The following VPS26C variants were observed in gnomAD, a reference collection of about 807,000 sequenced individuals.
The protein encoded by VPS26C is vacuolar protein sorting-associated protein 26C.
In VPS26C, 19 loss-of-function variants were observed where a neutral mutation model predicts 30.6. The observed-to-expected ratio is 0.62, with a 90% CI of 0.43 to 0.91. The LOEUF (loss-of-function observed/expected upper bound fraction) is 0.91, where lower values mean the gene tolerates loss of function less well. Among genes scored for constraint, VPS26C ranks in the 40% least tolerant of loss-of-function variants. The pLI, the probability that VPS26C is intolerant of heterozygous loss-of-function variation, is 0.00. For missense variants in VPS26C, 318 were observed against 385.1 expected (o/e 0.83, Z 1.46); for synonymous variants, 132 against 151.5 (o/e 0.87, Z 0.95).
In VPS26C at chr21:37,228,158, A is replaced by T. The variant is rs2085922374; in HGVS notation, c.658+65T>A. ...CCAGCCCCCCAGCATCCTCTTAACC[A>T]TGGAACGTGAGGGTGGCAGTCGAGG... On this transcript the variant is annotated intron_variant, in intron 6 of 7. Coordinates refer to ENST00000309117, the MANE Select transcript of VPS26C (RefSeq NM_006052.2). The T allele has an allele frequency of 1.3e-6, 2 of 1,572,794 alleles. No homozygotes were observed. The highest frequency in any genetic ancestry group is 1.7e-6 in the Non-Finnish European group (2 of 1,164,070).
At chr21:37,243,562 C>A (rs1044420432) in intron 1 of VPS26C, among the ~76,000 whole-genome samples, 1 of 152,172 alleles carries the variant, frequency 6.6e-6, no homozygotes, top group East Asian at 1.9e-4. Flanking sequence ...AAGGAAAGAG[C>A]TTTCATTGGA....
chr21:37,261,773 T>C (rs1396627663), intron 1 of VPS26C: 2 of 152,076 alleles, frequency 1.3e-5, no homozygotes, highest in East Asian at 1.9e-4. Flanking sequence ...CGGGGTCCTC[T>C]GACATTCCCA....
At position 37,257,868 on chromosome 21, in the gene VPS26C, C is replaced by G. The variant is rs1448708486; in HGVS notation, c.57+9370G>C. Among the ~76,000 whole-genome samples, 1 of 152,208 alleles carries G rather than the reference C, an allele frequency of 6.6e-6. No homozygotes were observed. Among genetic ancestry groups the G allele is most frequent in the Non-Finnish European group, 1.5e-5 (1 of 68,032 alleles). On this transcript the variant is annotated intron_variant, in intron 1 of 7. Transcript: ENST00000309117. The surrounding 1 kb of genome is among the most constrained non-coding windows in gnomAD (Gnocchi z 4.2). ...CCAGACAGAACGATGGGCTCTGCTGCCTCCGGGTGGGGCACCAAGCGGGGA... is the reference window on the plus strand; with the variant it reads ...CCAGACAGAACGATGGGCTCTGCTGGCTCCGGGTGGGGCACCAAGCGGGGA...
intron 1 of VPS26C, among the ~76,000 whole-genome samples, chr21:37,255,149 A>AT (rs778601406): frequency 6.6e-6 from 1 of 152,052 alleles, no homozygotes; most frequent in African/African-American, 2.4e-5. Context: ...TCATGACTGT[A>AT]TTTTTTTTAG....
intron 1 of VPS26C, among the ~76,000 whole-genome samples, chr21:37,266,329 C>T (rs753545894): frequency 6.6e-6 from 1 of 152,160 alleles, no homozygotes; most frequent in African/African-American, 2.4e-5. Flanking sequence ...CCATCCAAGA[C>T]CTTTGTCTGA....
chr21:37,260,974 C>T (rs1390869457), intron 1 of VPS26C: 1 of 152,188 alleles, frequency 6.6e-6, no homozygotes, highest in Non-Finnish European at 1.5e-5. Flanking sequence ...ATAAAATTAT[C>T]AGTCTTCTGC....
intron 1 of VPS26C, among the ~76,000 whole-genome samples, chr21:37,258,689 G>C (rs1239205265): frequency 2.0e-5 from 3 of 152,194 alleles, no homozygotes; most frequent in Admixed American, 1.3e-4. Context: ...TCGGCATTAG[G>C]AGGAGGCAGA....
intron 1 of VPS26C, among the ~76,000 whole-genome samples, chr21:37,263,436 T>C (rs2086325507): frequency 6.6e-6 from 1 of 152,254 alleles, no homozygotes; most frequent in African/African-American, 2.4e-5. Flanking sequence ...TCAATGGACA[T>C]GCTTTGAACT....
intron 1 of VPS26C, among the ~76,000 whole-genome samples, chr21:37,244,556 C>T (rs920177776): frequency 2.0e-5 from 3 of 152,190 alleles, no homozygotes; most frequent in Admixed American, 2.0e-4. Flanking sequence ...ATGTAAAAGG[C>T]CACTACCAAA....
rs2086079224 is a variant in VPS26C at position 37,240,788 on chromosome 21, C to T, written c.58-149G>A. 8.8e-6 allele frequency: 10 copies of T among 1,135,262 alleles called. No individual in the cohort carries two copies. The South Asian group carries it at 1.6e-4, about 19-fold the overall frequency. The allele number at this position is 1,135,262 out of a possible 1,614,324, so 70.3% of individuals were successfully genotyped here. ...CCTGGATACCAGGGTGGAGAAGGCCCAGGTCCTGGTAGGGGACAGATGCCC... is the reference window on the plus strand; with the variant it reads ...CCTGGATACCAGGGTGGAGAAGGCCTAGGTCCTGGTAGGGGACAGATGCCC... On this transcript the variant is annotated intron_variant, in intron 1 of 7. Coordinates refer to ENST00000309117, the MANE Select transcript of VPS26C (RefSeq NM_006052.2).
At chr21:37,252,559 A>C (rs1214732009) in intron 1 of VPS26C, among the ~76,000 whole-genome samples, 2 of 152,202 alleles carry the variant, frequency 1.3e-5, no homozygotes, top group African/African-American at 4.8e-5. Flanking sequence ...CAAACAAACT[A>C]AGACAATGCC....
intron 3 of VPS26C, among the ~76,000 whole-genome samples, chr21:37,235,877 A>ATT (rs1352661229): frequency 3.3e-3 from 120 of 35,928 alleles, no homozygotes; most frequent in African/African-American, 8.4e-3. Context: ...ATATATATAT[A>ATT]TATTTTTTTT....
chr21:37,249,844 C>T (rs1051163387), intron 1 of VPS26C, among the ~76,000 whole-genome samples: 1 of 152,166 alleles, frequency 6.6e-6, no homozygotes, highest in African/African-American at 2.4e-5. Flanking sequence ...AAGTGTCATA[C>T]AGCACACATG....
chr21:37,252,884 T>C (rs1460161091), intron 1 of VPS26C, among the ~76,000 whole-genome samples: 2 of 152,044 alleles, frequency 1.3e-5, no homozygotes, highest in South Asian at 2.1e-4. Flanking sequence ...AAAAGCAAAC[T>C]ATAGGGACTG....
At chr21:37,241,445 G>A (rs2086086351) in intron 1 of VPS26C, among the ~76,000 whole-genome samples, 1 of 152,186 alleles carries the variant, frequency 6.6e-6, no homozygotes, top group African/African-American at 2.4e-5. Flanking sequence ...TGTTACAGGG[G>A]CTCGAGTGGA....
chr21:37,260,567 G>A (rs1030364980), intron 1 of VPS26C, among the ~76,000 whole-genome samples: 1 of 152,180 alleles, frequency 6.6e-6, no homozygotes, highest in Non-Finnish European at 1.5e-5. Flanking sequence ...GTGGAAGGAT[G>A]CTTAGGGAGA....
At chr21:37,240,085 T>C (rs79887567) in intron 2 of VPS26C, among the ~76,000 whole-genome samples, 2,654 of 152,228 alleles carry the variant, frequency 0.017, 41 homozygotes, top group Middle Eastern at 0.054. Context: ...TAACAACAGA[T>C]AACAATAAAG....
intron 1 of VPS26C, among the ~76,000 whole-genome samples, chr21:37,242,732 G>T (rs1357526947): frequency 6.6e-6 from 1 of 152,184 alleles, no homozygotes; most frequent in Non-Finnish European, 1.5e-5. Context: ...CCGTTCCTAT[G>T]CAGTCATAAC....
intron 6 of VPS26C, 24 bp from the exon 7 acceptor site, chr21:37,227,830 G>A (rs776971386): frequency 3.4e-5 from 53 of 1,579,110 alleles, no homozygotes; most frequent in Non-Finnish European, 4.4e-5. Context: ...GCCACATCAC[G>A]CGGTCAGGGC....
Sources: allele counts gnomAD v4.1 joint callset (sites outside exome capture counted in the v4.1 genomes callset), GRCh38; gene constraint gnomAD v4.1.1; non-coding constraint Gnocchi (gnomAD v3.1); transcripts MANE v1.5; gene names NCBI Gene and HGNC (gene_info 2026-07-23, HGNC 2026-07-21).